NF1: variants seen among roughly 807,000 people sequenced by gnomAD.
NF1 encodes the protein neurofibromin 1, also known as neurofibromin.
NF1 carries 122 observed loss-of-function variants against 325.7 expected under a neutral mutation model. The observed-to-expected ratio is 0.37, with a 90% CI of 0.32 to 0.44. The LOEUF (loss-of-function observed/expected upper bound fraction) is 0.44, where lower values mean the gene tolerates loss of function less well. Among genes scored for constraint, NF1 ranks in the 20% least tolerant of loss-of-function variants. The probability of loss-of-function intolerance (pLI) is 1.00; values close to 1 mark genes in which losing one functional copy is unlikely to be tolerated. For synonymous variants in NF1, 1,091 were observed against 1,186.0 expected (o/e 0.92, Z 1.65); for missense variants, 2,140 against 3,415.4 (o/e 0.63, Z 9.31).
Position 31,305,249 on chromosome 17 carries a change from C to T in NF1, c.4836-20571C>T, listed in dbSNP as rs757911020. 7.4e-6 allele frequency: 12 copies of T among 1,613,976 alleles called. No homozygotes were observed. The highest frequency in any genetic ancestry group is 2.2e-5 in the East Asian group (1 of 44,892). On this transcript the variant is annotated intron_variant, in intron 36 of 57. Coordinates refer to ENST00000358273, the MANE Select transcript of NF1 (RefSeq NM_001042492.3). The stretch of plus-strand genomic sequence containing the variant: ...GGTAGTTGTCTGGCAGAGGTGAACA[C>T]GGCTTGCTGGGAGGAGGTGTTGGCT...
At chr17:31,100,306 T>C (rs1172088599) in intron 1 of NF1, among the ~76,000 whole-genome samples, 1 of 152,164 alleles carries the variant, frequency 6.6e-6, no homozygotes, top group African/African-American at 2.4e-5. Context: ...ACATACTGAT[T>C]AGACAAATAG....
intron 56 of NF1, 184 bp downstream of exon 56, chr17:31,359,199 G>T (rs2070345786): frequency 1.0e-5 from 6 of 580,134 alleles, no homozygotes; most frequent in South Asian, 1.0e-4. Context: ...CATGGTGTTG[G>T]GGTGTGTGTA....
In NF1 at chr17:31,374,302, A is replaced by T. The variant is rs1350623983; in HGVS notation, c.*147A>T. 13 of 1,051,542 alleles carry T rather than the reference A, an allele frequency of 1.2e-5. No homozygotes were observed. The highest frequency in any genetic ancestry group is 1.9e-5 in the Non-Finnish European group (13 of 691,620). The allele number at this position is 1,051,542 out of a possible 1,614,324, so 65.1% of individuals were successfully genotyped here. A position where few individuals can be genotyped will look rare whatever the true frequency, so the allele number is the denominator to read the frequency against. The stretch of plus-strand genomic sequence containing the variant: ...ATCCGGTTTGCCATGTTGCCAGATG[A>T]TCAACTCTTCGAAGCCTTGCCTAAA... On this transcript the variant is annotated 3_prime_UTR_variant, in exon 58 of 58. Transcript: ENST00000358273.
At chr17:31,318,423 T>A in intron 36 of NF1, 1 of 1,614,020 alleles carries the variant, frequency 6.2e-7, no homozygotes, top group Non-Finnish European at 8.5e-7. Context: ...GTTTTGTTCT[T>A]TTCCAAGTGT....
chr17:31,137,823 T>A (rs1189377127), intron 1 of NF1: 1 of 152,202 alleles, frequency 6.6e-6, no homozygotes, highest in Non-Finnish European at 1.5e-5. Flanking sequence ...GTCTAGGTCT[T>A]AAGTTCTAAT....
intron 21 of NF1, 74 bp from the exon 22 acceptor site, chr17:31,229,761 C>T (rs1274268763): frequency 1.3e-6 from 2 of 1,567,206 alleles, no homozygotes; most frequent in East Asian, 2.2e-5. Context: ...TTAGATCAGT[C>T]AGTTTCATCT....
intron 24 of NF1, among the ~76,000 whole-genome samples, chr17:31,231,739 C>G (rs1473369540): frequency 6.6e-6 from 1 of 151,622 alleles, no homozygotes; most frequent in Non-Finnish European, 1.5e-5. Flanking sequence ...TTTTTTTTCC[C>G]CCAAATATTT....
At chr17:31,193,932 GC>G (rs1258186402) in intron 8 of NF1, among the ~76,000 whole-genome samples, 1 of 152,170 alleles carries the variant, frequency 6.6e-6, no homozygotes, top group Non-Finnish European at 1.5e-5. Flanking sequence ...CTTAAATGTG[GC>G]TAGTGGGAAT....
intron 36 of NF1, among the ~76,000 whole-genome samples, chr17:31,313,143 C>T (rs1003850598): frequency 2.6e-5 from 4 of 151,968 alleles, no homozygotes; most frequent in Admixed American, 6.6e-5. Flanking sequence ...TAATAATAGT[C>T]AAATACCACA....
In NF1 at chr17:31,345,396, C is replaced by T. The variant is rs967179194; in HGVS notation, c.7189+2261C>T. ...CTCTCCTTCCCCCTGTAGGGGCGGCCGGCGAGTCCCAGTGAGAGCGGAGGG... is the reference window on the plus strand; with the variant it reads ...CTCTCCTTCCCCCTGTAGGGGCGGCTGGCGAGTCCCAGTGAGAGCGGAGGG... On this transcript the variant is annotated intron_variant, in intron 48 of 57. Coordinates refer to ENST00000358273, the MANE Select transcript of NF1 (RefSeq NM_001042492.3). 5 of 1,229,620 alleles carry T rather than the reference C, an allele frequency of 4.1e-6. No individual in the cohort carries two copies. The Admixed American group carries it at 8.6e-5, about 21-fold the overall frequency. The allele number at this position is 1,229,620 out of a possible 1,614,324, so 76.2% of individuals were successfully genotyped here.
In NF1 at chr17:31,223,547, AAATT is replaced by A; in HGVS notation, c.1826_1829del (p.Lys609IlefsTer21). On this transcript the variant is annotated frameshift_variant, in exon 16 of 58. Transcript: ENST00000358273. LOFTEE classifies it high-confidence loss of function. ...GCGGGAAATATTGATCTGCAGGAAT[AAATT>A]TCTTCTTAAAAATAAGGTAAGCAAA... The A allele has an allele frequency of 6.2e-7, 1 of 1,612,384 alleles. No individual in the cohort carries two copies. Among genetic ancestry groups the A allele is most frequent in the Non-Finnish European group, 8.5e-7 (1 of 1,178,680 alleles).
Position 31,334,753 on chromosome 17 carries a change from A to G in NF1, c.5813-85A>G, listed in dbSNP as rs375295192. On this transcript the variant is annotated intron_variant, in intron 39 of 57. Coordinates refer to ENST00000358273, the MANE Select transcript of NF1 (RefSeq NM_001042492.3). ...TAGGTAATAGTCTTTACCTTTTACC[A>G]TTTTTTCCCCGAATTCTTTATGTTA... 11 of 1,145,934 alleles carry G rather than the reference A, an allele frequency of 9.6e-6. No homozygotes were observed. In the Admixed American group the frequency reaches 1.8e-4, roughly 18 times the overall value. The allele number at this position is 1,145,934 out of a possible 1,614,324, so 71.0% of individuals were successfully genotyped here. A position where few individuals can be genotyped will look rare whatever the true frequency, so the allele number is the denominator to read the frequency against.
At chr17:31,099,672 G>GC (rs1912122691) in intron 1 of NF1, among the ~76,000 whole-genome samples, 1 of 150,624 alleles carries the variant, frequency 6.6e-6, no homozygotes, top group Non-Finnish European at 1.5e-5. Flanking sequence ...CCATTCTCCT[G>GC]CCTCAGCCTC....
At chr17:31,107,046 A>G (rs2143261903) in intron 1 of NF1, among the ~76,000 whole-genome samples, 1 of 152,224 alleles carries the variant, frequency 6.6e-6, no homozygotes, top group Non-Finnish European at 1.5e-5. Flanking sequence ...TTTAATTGTT[A>G]CATCTACTTT....
At chr17:31,362,080 C>G (rs2070414223) in intron 57 of NF1, among the ~76,000 whole-genome samples, 1 of 152,090 alleles carries the variant, frequency 6.6e-6, no homozygotes, top group Admixed American at 6.6e-5. Context: ...GTTAGAAATG[C>G]AGATGCTGTA....
At position 31,229,117 on chromosome 17, in the gene NF1, A is replaced by G. The variant is rs953405312; in HGVS notation, c.2502A>G (p.Leu834=). ...GSIDLSDTDS[L]QEWINMTGFL... The stretch of plus-strand genomic sequence containing the variant: ...TAGATTTGTCTGACACAGACTCCCT[A>G]CAGGAATGGATCAACATGACTGGCT... The change falls in exon 21 of 58, where the codon CTA becomes CTG. Residue 834 remains leucine (L), a synonymous_variant. Coordinates refer to ENST00000358273, the MANE Select transcript of NF1 (RefSeq NM_001042492.3). The G allele has an allele frequency of 3.1e-6, 5 of 1,611,756 alleles. No individual in the cohort carries two copies. The African/African-American group carries it at 5.3e-5, about 17-fold the overall frequency.
intron 1 of NF1, among the ~76,000 whole-genome samples, chr17:31,151,467 A>T (rs1177815943): frequency 6.6e-6 from 1 of 152,188 alleles, no homozygotes; most frequent in Non-Finnish European, 1.5e-5. Context: ...AAAGGGAACA[A>T]AATTTCCAGG....
chr17:31,225,666 G>A (rs1187485846), intron 17 of NF1, among the ~76,000 whole-genome samples: 1 of 152,148 alleles, frequency 6.6e-6, no homozygotes, highest in African/African-American at 2.4e-5. Context: ...TCATGTTAAA[G>A]ATAAGTGTTT....
chr17:31,109,470 G>A (rs1233266153), intron 1 of NF1, among the ~76,000 whole-genome samples: 4 of 150,634 alleles, frequency 2.7e-5, no homozygotes. Flanking sequence ...TGCAACCTCC[G>A]CCTCCCAGGT....
Sources: allele counts gnomAD v4.1 joint callset (sites outside exome capture counted in the v4.1 genomes callset), GRCh38; gene constraint gnomAD v4.1.1; transcripts MANE v1.5; gene names NCBI Gene and HGNC (gene_info 2026-07-23, HGNC 2026-07-21).